The following AFG2B variants were observed in gnomAD, a reference collection of about 807,000 sequenced individuals.
AFG2B encodes ATPase family gene 2 protein homolog B.
the AFG2B span, chr15:45,415,495 C>G: frequency 4.8e-6 from 4 of 836,254 alleles, no homozygotes; most frequent in Non-Finnish European, 6.7e-6. Context: ...AAGACTGTCT[C>G]AAAAAAAAAA....
the AFG2B span, among the ~76,000 whole-genome samples, chr15:45,410,177 C>A: frequency 6.6e-6 from 1 of 152,148 alleles, no homozygotes. Context: ...CTCTTGACAT[C>A]TTTCGGGGAA....
the AFG2B span, among the ~76,000 whole-genome samples, chr15:45,420,023 A>G: frequency 6.7e-6 from 1 of 150,288 alleles, no homozygotes. Flanking sequence ...AACAAAAAAC[A>G]AAACAAAAGG....
the AFG2B span, among the ~76,000 whole-genome samples, chr15:45,410,686 T>C: frequency 3.3e-5 from 5 of 152,358 alleles, no homozygotes; most frequent in East Asian, 1.9e-4. Flanking sequence ...CCTTATTTAA[T>C]TGGACTTCTG....
chr15:45,417,196 T>G, the AFG2B span: 10 of 1,552,038 alleles, frequency 6.4e-6, no homozygotes, highest in Admixed American at 1.8e-5. Context: ...TAAATAGACC[T>G]TCTGATTTAT....
the AFG2B span, chr15:45,418,664 TAGAA>T: frequency 6.2e-7 from 1 of 1,613,634 alleles, no homozygotes; most frequent in Non-Finnish European, 8.5e-7. Context: ...GAGCTGATCT[TAGAA>T]ACCTCTGCAC....
chr15:45,404,697 A>G, the AFG2B span, among the ~76,000 whole-genome samples: 1 of 151,050 alleles, frequency 6.6e-6, no homozygotes, highest in Non-Finnish European at 1.5e-5. Flanking sequence ...AGTTCTAGCT[A>G]CTCTGGAGGC....
At chr15:45,410,014 A>G in the AFG2B span, among the ~76,000 whole-genome samples, 1 of 152,232 alleles carries the variant, frequency 6.6e-6, no homozygotes, top group African/African-American at 2.4e-5. Context: ...TGTCAAAAAG[A>G]ATGACGTAGA....
the AFG2B span, among the ~76,000 whole-genome samples, chr15:45,416,302 T>A: frequency 2.6e-5 from 4 of 152,224 alleles, no homozygotes; most frequent in Admixed American, 2.6e-4. Flanking sequence ...GAGATTATTA[T>A]TTCCAATAGT....
the AFG2B span, among the ~76,000 whole-genome samples, chr15:45,410,949 C>T: frequency 6.6e-6 from 1 of 152,282 alleles, no homozygotes; most frequent in African/African-American, 2.4e-5. Context: ...TACCTATAAT[C>T]TCAGCATTTT....
the AFG2B span, chr15:45,403,348 G>A: frequency 6.2e-7 from 1 of 1,608,208 alleles, no homozygotes; most frequent in African/African-American, 1.3e-5. Flanking sequence ...CGAGATGGAC[G>A]CCTTGTGTCC....
At chr15:45,405,390 T>A in the AFG2B span, 1 of 1,614,104 alleles carries the variant, frequency 6.2e-7, no homozygotes, top group Non-Finnish European at 8.5e-7. Flanking sequence ...AAGATGCCCA[T>A]CTCCAGTCAT....
At chr15:45,418,772 G>C in the AFG2B span, 1 of 1,505,114 alleles carries the variant, frequency 6.6e-7, no homozygotes, top group East Asian at 2.3e-5. Context: ...CTAAAAGCCT[G>C]TGTGGTACCA....
At chr15:45,402,415 G>C in the AFG2B span, 1 of 1,592,068 alleles carries the variant, frequency 6.3e-7, no homozygotes, top group South Asian at 1.1e-5. Context: ...CGTCTGCCTG[G>C]TTCATCTGTG....
the AFG2B span, chr15:45,407,083 G>C: frequency 7.8e-7 from 1 of 1,289,182 alleles, no homozygotes; most frequent in South Asian, 1.2e-5. Context: ...AGCTGCTGTC[G>C]TCCCAGGGTG....
the AFG2B span, among the ~76,000 whole-genome samples, chr15:45,415,226 G>A: frequency 1.3e-5 from 2 of 152,060 alleles, no homozygotes. Flanking sequence ...GCCAGGCATG[G>A]TGGCTTATGC....
the AFG2B span, among the ~76,000 whole-genome samples, chr15:45,412,728 G>T: frequency 2.0e-5 from 3 of 152,048 alleles, no homozygotes; most frequent in Non-Finnish European, 2.9e-5. Flanking sequence ...TGATCTAAAA[G>T]ACGTTAAATG....
At chr15:45,405,864 CAA>C in the AFG2B span, among the ~76,000 whole-genome samples, 488 of 152,118 alleles carry the variant, frequency 3.2e-3, 2 homozygotes, top group African/African-American at 0.011. Context: ...AAAAATAGTA[CAA>C]AGAGTTTCCA....
the AFG2B span, chr15:45,414,647 A>G: frequency 1.0e-4 from 169 of 1,614,164 alleles, 2 homozygotes; most frequent in South Asian, 1.6e-3. Context: ...GTTCTCCTCT[A>G]TGGGCCCCCT....
the AFG2B span, among the ~76,000 whole-genome samples, chr15:45,413,503 C>T: frequency 6.6e-6 from 1 of 152,192 alleles, no homozygotes; most frequent in African/African-American, 2.4e-5. Flanking sequence ...AAAGGCATAG[C>T]ATCAGAACTT....
Sources: gnomAD v4.1 joint callset for allele counts (sites outside exome capture counted in the v4.1 genomes callset) on GRCh38, gnomAD v4.1.1 for gene constraint, MANE v1.5 for transcripts, NCBI Gene and HGNC (gene_info 2026-07-23, HGNC 2026-07-21) for gene names.